EPPK1: variants seen among roughly 807,000 people sequenced by gnomAD.
The protein encoded by EPPK1 is epiplakin 1.
For missense variants in EPPK1, 3,823 were observed against 3,673.3 expected (o/e 1.04, Z -1.05); for synonymous variants, 1,862 against 1,721.2 (o/e 1.08, Z -2.03).
Position 143,868,382 on chromosome 8 carries a change from G to T in EPPK1, c.4872C>A (p.Thr1624=), listed in dbSNP as rs561580729. ...IIDPVENRKL[T]VEEAFKAGMF... Reference sequence around the variant, plus strand: ...TTCCTGCTTTGAACGCCTCCTCCACGGTCAGCTTCCGGTTCTCCACGGGGT... The same window carrying T: ...TTCCTGCTTTGAACGCCTCCTCCACTGTCAGCTTCCGGTTCTCCACGGGGT... The change falls in exon 2 of 2, where the codon ACC becomes ACA. Residue 1624 remains threonine, a synonymous_variant. Transcript: ENST00000615648. 2 of 1,612,756 alleles carry T rather than the reference G, an allele frequency of 1.2e-6. No homozygotes were observed. The highest frequency in any genetic ancestry group is 1.3e-5 in the African/African-American group (1 of 75,052).
chr8:143,871,218 G>T lies in EPPK1; in HGVS notation c.2036C>A (p.Ala679Glu), dbSNP rs142055364. 2 of 1,613,216 alleles carry T rather than the reference G, an allele frequency of 1.2e-6. No individual in the cohort carries two copies. Among genetic ancestry groups the T allele is most frequent in the Admixed American group, 3.3e-5 (2 of 60,022 alleles). ...RAAVIGPDVF[A>E]KLLSAERAVT... is the part of the protein sequence containing the mutation. ...AGCGCGCTCAGCCGACAGCAGCTTC[G>T]CGAACACATCAGGCCCAATGACAGC... Residue 679 changes from alanine (A) to glutamate (E), a missense_variant, in exon 2 of 2, where the codon GCG (alanine) becomes GAG (glutamate). Ala to Glu is a moderately radical substitution (Grantham distance 107). Coordinates refer to ENST00000615648, the MANE Select transcript of EPPK1 (RefSeq NM_031308.4).
chr8:143,866,523 C>T lies in EPPK1; in HGVS notation c.6731G>A (p.Ser2244Asn), dbSNP rs1819111541. The T allele has an allele frequency of 1.3e-6, 2 of 1,576,138 alleles. No individual in the cohort carries two copies. Among genetic ancestry groups the T allele is most frequent in the Admixed American group, 1.8e-5 (1 of 56,108 alleles). Residue 2244 changes from serine to asparagine, a missense_variant, in exon 2 of 2, where the codon AGC becomes AAC. Ser to Asn is a conservative substitution (Grantham distance 46). Transcript: ENST00000615648. ...KDQPGRQEKM[S>N]IYQAMWKGVL... is the part of the protein sequence containing the mutation. ...GCCCTTCCACATGGCCTGGTAGATGCTCATCTTCTCCTGGCGGCCGGGCTG... is the reference window on the plus strand; with the variant it reads ...GCCCTTCCACATGGCCTGGTAGATGTTCATCTTCTCCTGGCGGCCGGGCTG...
In EPPK1 at chr8:143,866,989, C is replaced by T. The variant is rs1004039605; in HGVS notation, c.6265G>A (p.Ala2089Thr). Residue 2089 changes from alanine to threonine, a missense_variant, in exon 2 of 2, where the codon GCA (alanine) becomes ACA (threonine). Coordinates refer to ENST00000615648, the MANE Select transcript of EPPK1 (RefSeq NM_031308.4). ...GWLLFPVNKA[A>T]RDSEHIDDET... ...TCATCGATGTGCTCGGAGTCCCGTG[C>T]AGCCTTGTTCACTGGGAACAGCAGC... The T allele has an allele frequency of 2.2e-5, 35 of 1,612,736 alleles. No individual in the cohort carries two copies. Among genetic ancestry groups the T allele is most frequent in the Non-Finnish European group, 1.8e-5 (21 of 1,179,874 alleles).
chr8:143,878,350 G>GCCCGCACCCGCACCCGCA, intron 1 of EPPK1, 88 bp downstream of exon 1: 1 of 132,522 alleles, frequency 7.5e-6, no homozygotes, highest in African/African-American at 3.0e-5. Flanking sequence ...CCGGCCCCGA[G>GCCCGCACCCGCACCCGCA]CCCGCACCCG....
chr8:143,866,575 C>T lies in EPPK1; in HGVS notation c.6679G>A (p.Ala2227Thr), dbSNP rs1197715969. Residue 2227 changes from alanine (A) to threonine (T), a missense_variant, in exon 2 of 2, where the codon GCG (alanine) becomes ACG (threonine). Ala to Thr is a moderately conservative substitution (Grantham distance 58, BLOSUM62 0). Transcript: ENST00000615648. ...KRYLEGTSCI[A>T]GVLVPAKDQP... is the part of the protein sequence containing the mutation. ...TCCTTGGCGGGCACCAGGACGCCCG[C>T]GATGCAGCTGGTGCCCTCCAGGTAG... 5.6e-5 allele frequency: 91 copies of T among 1,610,882 alleles called. No individual in the cohort carries two copies. The highest frequency in any genetic ancestry group is 1.3e-4 in the African/African-American group (10 of 74,934).
In EPPK1 at chr8:143,867,464, C is replaced by A; in HGVS notation, c.5790G>T (p.Leu1930=). The change falls in exon 2 of 2, where the codon CTG becomes CTT. Residue 1930 remains leucine, a synonymous_variant. Transcript: ENST00000615648. The part of the protein sequence containing the change: ...ELIPAAFATW[L]LEAQAATGFL... ...ACCCGGTGGCGGCCTGCGCCTCCAGCAGCCAAGTCGCAAATGCTGCAGGGA... is the reference window on the plus strand; with the variant it reads ...ACCCGGTGGCGGCCTGCGCCTCCAGAAGCCAAGTCGCAAATGCTGCAGGGA... 1 of 1,612,682 alleles carries A rather than the reference C, an allele frequency of 6.2e-7. No individual in the cohort carries two copies.
In EPPK1 at chr8:143,871,646, G is replaced by T. The variant is rs782074084; in HGVS notation, c.1608C>A (p.Leu536=). Residue 536 remains leucine (L), a synonymous_variant, in exon 2 of 2, where the codon CTC becomes CTA. Coordinates refer to ENST00000615648, the MANE Select transcript of EPPK1 (RefSeq NM_031308.4). The part of the protein sequence containing the change: ...MLAQQYQEGT[L]SVEKLAAKLS... ...GCTTAGCGGCCAGCTTCTCCACGGA[G>T]AGGGTCCCTTCCTGGTACTGCTGGG... The T allele has an allele frequency of 5.0e-6, 8 of 1,603,360 alleles. No individual in the cohort carries two copies. The highest frequency in any genetic ancestry group is 6.8e-6 in the Non-Finnish European group (8 of 1,176,544).
chr8:143,869,766 T>A lies in EPPK1; in HGVS notation c.3488A>T (p.Glu1163Val), dbSNP rs1819274549. ...FTEEQRRGLL[E>V]DVQEGRTTVP... Reference sequence around the variant, plus strand: ...AGTGGTCCTCCCCTCCTGCACGTCCTCCAGCAGGCCCCTCCGTTGCTCCTC... The same window carrying A: ...AGTGGTCCTCCCCTCCTGCACGTCCACCAGCAGGCCCCTCCGTTGCTCCTC... Residue 1163 changes from glutamate to valine, a missense_variant, in exon 2 of 2, where the codon GAG (glutamate) becomes GTG (valine). Transcript: ENST00000615648. The A allele has an allele frequency of 4.4e-6, 7 of 1,603,582 alleles. No individual in the cohort carries two copies. Among genetic ancestry groups the A allele is most frequent in the Non-Finnish European group, 6.0e-6 (7 of 1,176,080 alleles).
In EPPK1 at chr8:143,869,996, T is replaced by C. The variant is rs1554660567; in HGVS notation, c.3258A>G (p.Thr1086=). ...ALSSSSETFP[T]PDGQGRTSYA... is the part of the protein sequence containing the mutation. The stretch of plus-strand genomic sequence containing the variant: ...AGCTCGTGCGCCCCTGGCCGTCCGG[T>C]GTGGGGAAGGTTTCGGAGGAGCTGG... Residue 1086 remains threonine, a synonymous_variant, in exon 2 of 2, where the codon ACA becomes ACG. Coordinates refer to ENST00000615648, the MANE Select transcript of EPPK1 (RefSeq NM_031308.4). 2 of 1,608,634 alleles carry C rather than the reference T, an allele frequency of 1.2e-6. No homozygotes were observed. Among genetic ancestry groups the C allele is most frequent in the Non-Finnish European group, 1.7e-6 (2 of 1,177,756 alleles).
rs35186960 is a variant in EPPK1 at position 143,857,896 on chromosome 8, CA to C, written c.*90del. ...GTAAAACAACAAAATTAAAGAATGA[CA>C]AAAAAAAAAAAAAAAAAAAAAACAA... On this transcript the variant is annotated 3_prime_UTR_variant, in exon 2 of 2. Coordinates refer to ENST00000615648, the MANE Select transcript of EPPK1 (RefSeq NM_031308.4). 55,208 of 428,898 alleles carry C rather than the reference CA, an allele frequency of 0.13. 324 individuals carry two copies. The highest frequency in any genetic ancestry group is 0.21 in the African/African-American group (6,195 of 29,220). 26.6% of individuals were successfully genotyped at this position (428,898 alleles called of 1,614,324 possible).
Position 143,872,625 on chromosome 8 carries a change from G to C in EPPK1, c.629C>G (p.Thr210Arg). 6.2e-7 allele frequency: 1 copy of C among 1,609,916 alleles called. No homozygotes were observed. The highest frequency in any genetic ancestry group is 8.5e-7 in the Non-Finnish European group (1 of 1,179,536). ...ACACCTTTCCAGCAGCTGGTGGTAT[G>C]TCAGCCGCTCCAGCGTGTTGGGGTC... Reference protein sequence around the residue: ...FLDPNTLERLTYHQLLERCVR... With the variant: ...FLDPNTLERLRYHQLLERCVR... Residue 210 changes from threonine to arginine, a missense_variant, in exon 2 of 2, where the codon ACA becomes AGA. Transcript: ENST00000615648.
chr8:143,868,225 C>T lies in EPPK1; in HGVS notation c.5029G>A (p.Gly1677Ser), dbSNP rs200705479. The T allele has an allele frequency of 6.1e-5, 99 of 1,613,038 alleles. No individual in the cohort carries two copies. The highest frequency in any genetic ancestry group is 1.2e-4 in the Admixed American group (7 of 60,010). Residue 1677 changes from glycine (G) to serine (S), a missense_variant, in exon 2 of 2, where the codon GGC (glycine) becomes AGC (serine). Gly to Ser is a moderately conservative substitution (Grantham distance 56). Transcript: ENST00000615648. ...ATCTGGGCCTCCAGCAGGCGGATGC[C>T]GTGCTCCCGGACGATGAGGTCCTTC... Reference protein sequence around the residue: ...MQKDLIVREHGIRLLEAQIAT... With the variant: ...MQKDLIVREHSIRLLEAQIAT...
chr8:143,866,327 G>A lies in EPPK1; in HGVS notation c.6927C>T (p.Gly2309=). 2.0e-6 allele frequency: 1 copy of A among 504,972 alleles called. No individual in the cohort carries two copies. The highest frequency in any genetic ancestry group is 3.2e-6 in the Non-Finnish European group (1 of 312,792). The allele number at this position is 504,972 out of a possible 1,614,324, so 31.3% of individuals were successfully genotyped here. A position where few individuals can be genotyped will look rare whatever the true frequency, so the allele number is the denominator to read the frequency against. Residue 2309 remains glycine, a synonymous_variant, in exon 2 of 2, where the codon GGC becomes GGT. Transcript: ENST00000615648. ...KLLSAERAVT[G]YTDPYTGQQI... is the part of the protein sequence containing the mutation. ...GCTGCCCGGTGTAGGGGTCGGTGTA[G>A]CCGGTGACGGCGCGCTCGGCCGACA...
Position 143,870,674 on chromosome 8 carries a change from C to A in EPPK1, c.2580G>T (p.Thr860=). ...CCAGCAGCTTTGCCACCTGCCCCAG[C>A]GTGACCTCGCGCTGCCGGTAGCGAC... The part of the protein sequence containing the change: ...LLRRYRQREV[T]LGQVAKLLEA... Residue 860 remains threonine (T), a synonymous_variant, in exon 2 of 2, where the codon ACG becomes ACT. Transcript: ENST00000615648. The surrounding 1 kb of genome is among the most constrained non-coding windows in gnomAD (Gnocchi z 5.2). 6.2e-7 allele frequency: 1 copy of A among 1,608,214 alleles called. No individual in the cohort carries two copies. Among genetic ancestry groups the A allele is most frequent in the African/African-American group, 1.3e-5 (1 of 74,870 alleles).
Position 143,868,723 on chromosome 8 carries a change from C to T in EPPK1, c.4531G>A (p.Ala1511Thr). The T allele has an allele frequency of 5.7e-6, 9 of 1,579,750 alleles. No individual in the cohort carries two copies. The highest frequency in any genetic ancestry group is 1.1e-5 in the South Asian group (1 of 87,284). The change falls in exon 2 of 2, where the codon GCT becomes ACT. Residue 1511 changes from alanine to threonine, a missense_variant. Coordinates refer to ENST00000615648, the MANE Select transcript of EPPK1 (RefSeq NM_031308.4). ...VVSAVTTLVEAAERQPLQATF... is the reference protein window; with the variant it reads ...VVSAVTTLVETAERQPLQATF... The stretch of plus-strand genomic sequence containing the variant: ...GCCTGCAGGGGCTGCCTCTCTGCAG[C>T]CTCGACCAGGGTGGTGACTGCGCTG...
At chr8:143,877,340 G>C (rs1272615870) in intron 1 of EPPK1, among the ~76,000 whole-genome samples, 1 of 152,212 alleles carries the variant, frequency 6.6e-6, no homozygotes, top group African/African-American at 2.4e-5. Flanking sequence ...GGGGGGCAGG[G>C]GGTGCAGCTT....
Position 143,868,123 on chromosome 8 carries a change from C to T in EPPK1, c.5131G>A (p.Asp1711Asn), listed in dbSNP as rs113397845. ...GCCAGGATGCGGTTCATCTCCTCGT[C>T]GAAGTAGCCGCAGCGGTAGGCCACG... is the stretch of plus-strand genomic sequence containing the variant. The part of the protein sequence containing the change: ...VDVAYRCGYF[D>N]EEMNRILADP... The change falls in exon 2 of 2, where the codon GAC (aspartate) becomes AAC (asparagine). Residue 1711 changes from aspartate to asparagine, a missense_variant. By Grantham distance (23) the Asp-to-Asn change is conservative. Transcript: ENST00000615648. The T allele has an allele frequency of 0.017, 27,738 of 1,613,254 alleles. 302 individuals carry two copies. The highest frequency in any genetic ancestry group is 0.033 in the Middle Eastern group (201 of 6,062).
Position 143,866,102 on chromosome 8 carries a change from C to T in EPPK1, c.7152G>A (p.Lys2384=). Residue 2384 remains lysine (K), a synonymous_variant, in exon 2 of 2, where the codon AAG becomes AAA. Coordinates refer to ENST00000615648, the MANE Select transcript of EPPK1 (RefSeq NM_031308.4). ...CGTGCGTGTTGGGGTCGAAGAAGCC[C>T]TTGGTGTCGTCGCTGGGGTCGGCCA... The part of the protein sequence containing the change: ...RVLADPSDDT[K]GFFDPNTHEN... The T allele has an allele frequency of 1.7e-5, 5 of 299,024 alleles. No individual in the cohort carries two copies. The highest frequency in any genetic ancestry group is 1.7e-5 in the Non-Finnish European group (3 of 177,224). 18.5% of individuals were successfully genotyped at this position (299,024 alleles called of 1,614,324 possible).
In EPPK1 at chr8:143,867,361, G is replaced by A. The variant is rs201495006; in HGVS notation, c.5893C>T (p.Arg1965Trp). ...CTTTCAGCCTTCAGGAGCCTCTCCC[G>A]CAGCTCCTCGTTCACCAGGCCCACA... ...VDVGLVNEEL[R>W]ERLLKAERAA... is the part of the protein sequence containing the mutation. Residue 1965 changes from arginine (R) to tryptophan (W), a missense_variant, in exon 2 of 2, where the codon CGG (arginine) becomes TGG (tryptophan). Physicochemically the swap from Arg to Trp is moderately radical, Grantham distance 101. Transcript: ENST00000615648. 504 of 1,612,754 alleles carry A rather than the reference G, an allele frequency of 3.1e-4. No individual in the cohort carries two copies. Among genetic ancestry groups the A allele is most frequent in the Non-Finnish European group, 3.7e-4 (435 of 1,179,860 alleles).
Sources: allele counts gnomAD v4.1 joint callset (sites outside exome capture counted in the v4.1 genomes callset), GRCh38; gene constraint gnomAD v4.1.1; non-coding constraint Gnocchi (gnomAD v3.1); transcripts MANE v1.5; gene names NCBI Gene and HGNC (gene_info 2026-07-23, HGNC 2026-07-21).